KCNIP4: variants seen among roughly 807,000 people sequenced by gnomAD.
The protein encoded by KCNIP4 is potassium voltage-gated channel interacting protein 4.
Under a neutral mutation model 34.0 loss-of-function variants are expected in KCNIP4, and 12 were observed. The ratio of observed to expected loss-of-function variants is 0.35; its 90% CI spans 0.23 to 0.57. The LOEUF (loss-of-function observed/expected upper bound fraction) is 0.57, where lower values mean the gene tolerates loss of function less well. Ranked by LOEUF, KCNIP4 falls within the 20% of genes least tolerant of loss-of-function variation. The pLI is 0.83. For synonymous variants in KCNIP4, 124 were observed against 102.2 expected (o/e 1.21, Z -1.29); for missense variants, 238 against 311.7 (o/e 0.76, Z 1.78).
intron 3 of KCNIP4, among the ~76,000 whole-genome samples, chr4:20,835,989 C>T (rs553971099): frequency 6.6e-6 from 1 of 152,198 alleles, no homozygotes; most frequent in Non-Finnish European, 1.5e-5. Flanking sequence ...AATGTACCAT[C>T]ATAACTTGGC....
chr4:21,403,736 G>T (rs1171743528), intron 1 of KCNIP4, among the ~76,000 whole-genome samples: 5 of 152,130 alleles, frequency 3.3e-5, no homozygotes, highest in African/African-American at 1.2e-4. Context: ...CAAGATCAAG[G>T]TGCAACAGAT....
At position 21,643,249 on chromosome 4, in the gene KCNIP4, A is replaced by G. The variant is rs1185685810; in HGVS notation, c.61+305322T>C. On this transcript the variant is annotated intron_variant, in intron 1 of 8. Transcript: ENST00000382152. ...TATTGACTTTATATTATAGTACTTA[A>G]GTAATGTTAACTTTACATCATAGTA... Among the ~76,000 whole-genome samples the G allele has an allele frequency of 2.6e-5, 4 of 152,194 alleles. No homozygotes were observed. In the East Asian group the frequency reaches 7.7e-4, roughly 29 times the overall value.
At chr4:20,931,528 T>C (rs1278598620) in intron 1 of KCNIP4, among the ~76,000 whole-genome samples, 2 of 152,128 alleles carry the variant, frequency 1.3e-5, no homozygotes, top group African/African-American at 4.8e-5. Context: ...TACTGTACTG[T>C]ACTGAATACT....
At chr4:20,736,653 T>C (rs1318199209) in intron 5 of KCNIP4, among the ~76,000 whole-genome samples, 1 of 152,226 alleles carries the variant, frequency 6.6e-6, no homozygotes, top group Admixed American at 6.5e-5. Flanking sequence ...ATATTCTTAG[T>C]TTTTTCTTGA....
intron 5 of KCNIP4, 122 bp from the exon 6 acceptor site, chr4:20,734,857 T>C (rs954404217): frequency 9.3e-6 from 5 of 535,714 alleles, no homozygotes; most frequent in Admixed American, 3.5e-5. Context: ...AAATGATTGA[T>C]GTGTTATTGG....
chr4:21,561,899 T>A (rs1295310785), intron 1 of KCNIP4, among the ~76,000 whole-genome samples: 2 of 151,968 alleles, frequency 1.3e-5, no homozygotes, highest in East Asian at 3.9e-4. Flanking sequence ...AAGGACCCTG[T>A]GCCCTGGCTC....
chr4:21,616,140 C>T (rs1213191238), intron 1 of KCNIP4, among the ~76,000 whole-genome samples: 2 of 152,190 alleles, frequency 1.3e-5, no homozygotes, highest in Non-Finnish European at 2.9e-5. Context: ...TGCCCTTCCT[C>T]TTGCATCTTC....
chr4:21,794,835 T>C (rs1231962262), intron 1 of KCNIP4, among the ~76,000 whole-genome samples: 1 of 152,074 alleles, frequency 6.6e-6, no homozygotes, highest in Non-Finnish European at 1.5e-5. Flanking sequence ...GCTGAGATCA[T>C]GCCACTGCAC....
chr4:21,280,949 A>T (rs1762735730), intron 1 of KCNIP4, among the ~76,000 whole-genome samples: 1 of 152,178 alleles, frequency 6.6e-6, no homozygotes, highest in Admixed American at 6.5e-5. Context: ...ATTTAATTAA[A>T]TACAAGAAAG....
At chr4:21,213,182 C>A (rs61442917) in intron 1 of KCNIP4, among the ~76,000 whole-genome samples, 4,381 of 152,226 alleles carry the variant, frequency 0.029, 209 homozygotes, top group African/African-American at 0.1. Context: ...GCACATGAGG[C>A]AAAGTTGGGG....
chr4:21,795,429 G>A (rs1578000192), intron 1 of KCNIP4, among the ~76,000 whole-genome samples: 1 of 152,200 alleles, frequency 6.6e-6, no homozygotes, highest in East Asian at 1.9e-4. Context: ...GTTCTCAAAG[G>A]GAAAGCTGCC....
At chr4:20,758,199 T>C (rs760572040) in intron 4 of KCNIP4, among the ~76,000 whole-genome samples, 2 of 152,212 alleles carry the variant, frequency 1.3e-5, no homozygotes, top group Non-Finnish European at 2.9e-5. Context: ...CACTCATCTC[T>C]AACATGCATG....
intron 1 of KCNIP4, among the ~76,000 whole-genome samples, chr4:20,899,656 A>G (rs1037238581): frequency 2.0e-5 from 3 of 152,204 alleles, no homozygotes; most frequent in Non-Finnish European, 2.9e-5. Flanking sequence ...AAATAATGCA[A>G]TACACAAGTT....
At chr4:21,362,743 C>A (rs1719357369) in intron 1 of KCNIP4, among the ~76,000 whole-genome samples, 1 of 152,090 alleles carries the variant, frequency 6.6e-6, no homozygotes, top group Non-Finnish European at 1.5e-5. Flanking sequence ...ATCCTCACTG[C>A]ATGTGAAATG....
chr4:21,059,776 T>A (rs575404464), intron 1 of KCNIP4, among the ~76,000 whole-genome samples: 1 of 152,166 alleles, frequency 6.6e-6, no homozygotes. Flanking sequence ...TTAATTTATA[T>A]GCATCTCTTT....
intron 1 of KCNIP4, among the ~76,000 whole-genome samples, chr4:21,908,323 TGTATGACTA>T (rs200546774): frequency 0.026 from 3,903 of 152,196 alleles, 79 homozygotes; most frequent in Middle Eastern, 0.075. Context: ...TTCTTGCCAC[TGTATGACTA>T]GCTAATCCCT....
intron 1 of KCNIP4, among the ~76,000 whole-genome samples, chr4:21,102,003 C>T (rs563194945): frequency 6.6e-6 from 1 of 151,958 alleles, no homozygotes; most frequent in Non-Finnish European, 1.5e-5. Flanking sequence ...GTCAGGAGGC[C>T]CAAGTGTACC....
intron 1 of KCNIP4, among the ~76,000 whole-genome samples, chr4:21,015,894 T>C (rs890261033): frequency 1.4e-5 from 2 of 141,746 alleles, no homozygotes; most frequent in African/African-American, 5.1e-5. Flanking sequence ...ATACAATATA[T>C]ACAATATAAT....
intron 3 of KCNIP4, among the ~76,000 whole-genome samples, chr4:20,833,301 T>C (rs919148417): frequency 6.6e-6 from 1 of 152,116 alleles, no homozygotes; most frequent in Non-Finnish European, 1.5e-5. Flanking sequence ...TGTCATCAAC[T>C]TAGTGAAACC....
Sources: allele counts gnomAD v4.1 joint callset (sites outside exome capture counted in the v4.1 genomes callset), GRCh38; gene constraint gnomAD v4.1.1; transcripts MANE v1.5; gene names NCBI Gene and HGNC (gene_info 2026-07-23, HGNC 2026-07-21).